CLSTN3: variants seen among roughly 807,000 people sequenced by gnomAD.
CLSTN3 encodes the protein calsyntenin-3.
A neutral mutation model predicts 95.9 loss-of-function variants in CLSTN3; 36 were observed. The observed-to-expected ratio is 0.38, with a 90% CI of 0.29 to 0.50. The LOEUF is 0.50. CLSTN3 is among the 20% of genes least tolerant of loss of function. CLSTN3 has a pLI of 0.95. For synonymous variants in CLSTN3, 481 were observed against 504.0 expected (o/e 0.95, Z 0.61); for missense variants, 1,084 against 1,268.8 (o/e 0.85, Z 2.21).
intron 1 of CLSTN3, among the ~76,000 whole-genome samples, chr12:7,132,035 G>C (rs1939313939): frequency 6.6e-6 from 1 of 152,070 alleles, no homozygotes; most frequent in African/African-American, 2.4e-5. Flanking sequence ...TGGAGGCTGG[G>C]GTGGGGGGTG....
Position 7,130,706 on chromosome 12 carries a change from A to T in CLSTN3, c.58A>T (p.Asn20Tyr). The T allele has an allele frequency of 6.4e-7, 1 of 1,567,990 alleles. No homozygotes were observed. ...CTCTCTGCTCGCGTCCTGCTCCTGTAACAAAGGTGAGTGAGGTGGGGGTGG... is the reference window on the plus strand; with the variant it reads ...CTCTCTGCTCGCGTCCTGCTCCTGTTACAAAGGTGAGTGAGGTGGGGGTGG... ...LASLLASCSC[N>Y]KANKHKPWIE... is the part of the protein sequence containing the mutation. Residue 20 changes from asparagine (N) to tyrosine (Y), a missense_variant, in exon 1 of 18, where the codon AAC becomes TAC. Transcript: ENST00000266546.
intron 10 of CLSTN3, 68 bp from the exon 11 acceptor site, chr12:7,142,801 T>G (rs1939552474): frequency 2.2e-6 from 3 of 1,393,338 alleles, no homozygotes; most frequent in Non-Finnish European, 3.0e-6. Context: ...TCCCTTTCTC[T>G]CAGCCTTCGT....
intron 16 of CLSTN3, among the ~76,000 whole-genome samples, chr12:7,152,735 T>C (rs1490061460): frequency 1.3e-5 from 2 of 152,200 alleles, no homozygotes; most frequent in African/African-American, 4.8e-5. Context: ...TTAGCCATCA[T>C]AAACAACCAA....
In CLSTN3 at chr12:7,151,057, A is replaced by C. The variant is rs1565653991; in HGVS notation, c.2521A>C (p.Asn841His). Residue 841 changes from asparagine to histidine, a missense_variant, in exon 16 of 18, where the codon AAC becomes CAC. Coordinates refer to ENST00000266546, the MANE Select transcript of CLSTN3 (RefSeq NM_014718.4). ...AGHSLASSHR[N>H]SMIPSAATLI... ...ACACAGCCTAGCCAGCTCCCACAGA[A>C]ACTCCAGTACGTAAGCCTGGTGGGG... 8 of 1,599,198 alleles carry C rather than the reference A, an allele frequency of 5.0e-6. No homozygotes were observed. Among genetic ancestry groups the C allele is most frequent in the Middle Eastern group, 1.7e-4 (1 of 5,992 alleles).
rs775480571 is a variant in CLSTN3 at position 7,133,387 on chromosome 12, G to C, written c.188-186G>C. On this transcript the variant is annotated intron_variant, in intron 2 of 17. Transcript: ENST00000266546. The surrounding 1 kb of genome is among the most constrained non-coding windows in gnomAD (Gnocchi z 4.7). ...ATTTTGTCAGATCTCAGGTCTGGAG[G>C]CTCTGGGAGGTTGCTGCTCAGGGAA... Among the ~76,000 whole-genome samples, 14 of 152,332 alleles carry C rather than the reference G, an allele frequency of 9.2e-5. No individual in the cohort carries two copies. The East Asian group carries it at 2.7e-3, about 29-fold the overall frequency.
upstream of CLSTN3, chr12:7,130,362 GC>G (rs1939271303): frequency 1.1e-5 from 15 of 1,382,438 alleles, no homozygotes; most frequent in African/African-American, 1.5e-5. Flanking sequence ...GCCCGGCTGT[GC>G]TGACGTCATC....
In CLSTN3 at chr12:7,135,636, C is replaced by T. The variant is rs185085991; in HGVS notation, c.592+101C>T. The T allele has an allele frequency of 2.5e-4, 349 of 1,375,574 alleles. No homozygotes were observed. The African/African-American group carries it at 3.2e-3, about 13-fold the overall frequency. 85.2% of individuals were successfully genotyped at this position (1,375,574 alleles called of 1,614,324 possible). Reference sequence around the variant, plus strand: ...CATTCTCCACTTTTGCCCCTCAGACCCTCACCTCACCCTTCTTCCCAAATG... The same window carrying T: ...CATTCTCCACTTTTGCCCCTCAGACTCTCACCTCACCCTTCTTCCCAAATG... On this transcript the variant is annotated intron_variant, in intron 4 of 17. Coordinates refer to ENST00000266546, the MANE Select transcript of CLSTN3 (RefSeq NM_014718.4).
chr12:7,130,229 G>C (rs1050158258), upstream of CLSTN3: 1 of 309,616 alleles, frequency 3.2e-6, no homozygotes, highest in Non-Finnish European at 5.3e-6. Flanking sequence ...ATTGCAGCCA[G>C]GGGAAGGAGC....
rs1565650983 is a variant in CLSTN3, at chr12:7,141,525, CAGGGTGACTCTGA to C, written c.1486+124_1486+136del. On this transcript the variant is annotated intron_variant, in intron 9 of 17. Transcript: ENST00000266546. The surrounding 1 kb of genome is among the most constrained non-coding windows in gnomAD (Gnocchi z 4.1). ...CCTCCTGCATCTCTCTGCAGCTGTG[CAGGGTGACTCTGA>C]AGATCTCCATGGGAAGGGACCACAG... 2.9e-6 allele frequency: 3 copies of C among 1,034,162 alleles called. No homozygotes were observed. 64.1% of individuals were successfully genotyped at this position (1,034,162 alleles called of 1,614,324 possible). A position where few individuals can be genotyped will look rare whatever the true frequency, so the allele number is the denominator to read the frequency against.
chr12:7,136,533 G>A (rs1328469965), intron 6 of CLSTN3, 142 bp downstream of exon 6: 15 of 889,540 alleles, frequency 1.7e-5, no homozygotes, highest in Non-Finnish European at 2.4e-5. Context: ...TAGCATTTGC[G>A]GCCCAAAAGG....
intron 6 of CLSTN3, 68 bp downstream of exon 6, chr12:7,136,459 A>G (rs1421783043): frequency 1.1e-5 from 15 of 1,418,480 alleles, no homozygotes; most frequent in Non-Finnish European, 1.3e-5. Context: ...AACTTTTCCA[A>G]GACTCTGCTT....
At chr12:7,129,557 G>A, upstream of CLSTN3, 1 of 944,184 alleles carries the variant, frequency 1.1e-6, no homozygotes, top group Non-Finnish European at 1.3e-6. This position sits in a 1 kb window ranked among gnomAD's most constrained non-coding sequence, Gnocchi z 5.5. Context: ...GGGACCCAGG[G>A]GGTTTTCTCT....
rs1274961624 is a variant in CLSTN3, at chr12:7,135,510, C to T, written c.567C>T (p.Asn189=). 6.2e-7 allele frequency: 1 copy of T among 1,614,030 alleles called. No individual in the cohort carries two copies. Among genetic ancestry groups the T allele is most frequent in the Non-Finnish European group, 8.5e-7 (1 of 1,180,024 alleles). The change falls in exon 4 of 18, where the codon AAC becomes AAT. Residue 189 remains asparagine (N), a synonymous_variant. Transcript: ENST00000266546. ...GCTACTATGAGATTCTCACACCCAA[C>T]ACCCCTTTCCTCATTGACAATGACG... ...QICYYEILTP[N]TPFLIDNDGN...
intron 16 of CLSTN3, among the ~76,000 whole-genome samples, chr12:7,155,747 C>T (rs1247187498): frequency 6.6e-6 from 1 of 152,252 alleles, no homozygotes; most frequent in Non-Finnish European, 1.5e-5. Flanking sequence ...GAGTGTGCCC[C>T]AGCAGAGTCC....
chr12:7,139,609 C>T (rs1422673383), intron 8 of CLSTN3, among the ~76,000 whole-genome samples: 1 of 151,886 alleles, frequency 6.6e-6, no homozygotes, highest in Admixed American at 6.6e-5. Flanking sequence ...AAAGCAGAGG[C>T]ATGACCTGAT....
Position 7,157,396 on chromosome 12 carries a change from G to A in CLSTN3, c.2528-93G>A. ...TGTGTTCTGCCCTGGGAGTCCTTCA[G>A]CCCGGGCTGCCTCTTTTCCTACCCA... is the stretch of plus-strand genomic sequence containing the variant. On this transcript the variant is annotated intron_variant, in intron 16 of 17. Transcript: ENST00000266546. This position sits in a 1 kb window ranked among gnomAD's most constrained non-coding sequence, Gnocchi z 5.9. 8.8e-7 allele frequency: 1 copy of A among 1,137,920 alleles called. No individual in the cohort carries two copies. The highest frequency in any genetic ancestry group is 1.2e-6 in the Non-Finnish European group (1 of 820,200). The allele number at this position is 1,137,920 out of a possible 1,614,324, so 70.5% of individuals were successfully genotyped here.
intron 16 of CLSTN3, among the ~76,000 whole-genome samples, chr12:7,154,250 T>C (rs920912522): frequency 6.6e-6 from 1 of 152,180 alleles, no homozygotes; most frequent in Non-Finnish European, 1.5e-5. Flanking sequence ...TTTCACAATA[T>C]CAAACCATTC....
Position 7,130,490 on chromosome 12 carries a change from C to T in CLSTN3, c.-159C>T. Reference sequence around the variant, plus strand: ...CCAGATTGGGATCTGCCCAGGCCCGCTTTATGGACTAGTGTGGGCGGCAGG... The same window carrying T: ...CCAGATTGGGATCTGCCCAGGCCCGTTTTATGGACTAGTGTGGGCGGCAGG... On this transcript the variant is annotated 5_prime_UTR_variant, in exon 1 of 18. Coordinates refer to ENST00000266546, the MANE Select transcript of CLSTN3 (RefSeq NM_014718.4). 2.6e-6 allele frequency: 4 copies of T among 1,526,840 alleles called. No individual in the cohort carries two copies. The highest frequency in any genetic ancestry group is 3.5e-6 in the Non-Finnish European group (4 of 1,140,434). 94.6% of individuals were successfully genotyped at this position (1,526,840 alleles called of 1,614,324 possible). A position where few individuals can be genotyped will look rare whatever the true frequency, so the allele number is the denominator to read the frequency against.
At chr12:7,131,036 G>A (rs1939289757) in intron 1 of CLSTN3, 1 of 476,006 alleles carries the variant, frequency 2.1e-6, no homozygotes, top group African/African-American at 2.0e-5. Context: ...TCGGGTCTGG[G>A]AAGGACTGCC....
Sources: gnomAD v4.1 joint callset for allele counts (sites outside exome capture counted in the v4.1 genomes callset) on GRCh38, gnomAD v4.1.1 for gene constraint, Gnocchi (gnomAD v3.1) non-coding constraint, MANE v1.5 for transcripts, NCBI Gene and HGNC (gene_info 2026-07-23, HGNC 2026-07-21) for gene names.